MERTK: variants seen among roughly 807,000 people sequenced by gnomAD.
MERTK encodes tyrosine-protein kinase Mer.
MERTK carries 69 observed loss-of-function variants against 99.3 expected under a neutral mutation model. The ratio of observed to expected loss-of-function variants is 0.70; its 90% CI spans 0.57 to 0.85. The LOEUF is 0.85. Ranked by LOEUF, MERTK falls within the 40% of genes least tolerant of loss-of-function variation. The pLI is 0.00. For missense variants in MERTK, 1,125 were observed against 1,249.4 expected, an observed-to-expected ratio of 0.90 and a Z score of 1.50; for synonymous variants, 426 against 467.6, an observed-to-expected ratio of 0.91 and a Z score of 1.15.
At chr2:111,959,359 T>A (rs981455177) in intron 4 of MERTK, among the ~76,000 whole-genome samples, 1 of 152,110 alleles carries the variant, frequency 6.6e-6, no homozygotes, top group African/African-American at 2.4e-5. Flanking sequence ...TTTCATCTCT[T>A]CCTTGCATTA....
intron 18 of MERTK, among the ~76,000 whole-genome samples, chr2:112,027,314 A>G (rs1452122799): frequency 6.6e-6 from 1 of 151,334 alleles, no homozygotes; most frequent in Non-Finnish European, 1.5e-5. Context: ...GTGTGTGTAT[A>G]TATATACACA....
At position 111,994,382 on chromosome 2, in the gene MERTK, G is replaced by A. The variant is rs779952826; in HGVS notation, c.1428G>A (p.Val476=). The change falls in exon 9 of 19, where the codon GTG becomes GTA. Residue 476 remains valine (V), a synonymous_variant. Transcript: ENST00000295408. The part of the protein sequence containing the change: ...RGGVGPFSDP[V]KIFIPAHGWV... The stretch of plus-strand genomic sequence containing the variant: ...GAGTTGGGCCCTTCAGTGATCCAGT[G>A]AAAATATTTATCCCTGCACACGGTG... The A allele has an allele frequency of 5.6e-6, 9 of 1,614,054 alleles. No homozygotes were observed. The African/African-American group carries it at 9.3e-5, about 17-fold the overall frequency.
intron 10 of MERTK, among the ~76,000 whole-genome samples, chr2:111,998,793 T>C (rs933791465): frequency 3.3e-5 from 5 of 152,162 alleles, no homozygotes; most frequent in Middle Eastern, 3.2e-3. Context: ...CTATTTCAAA[T>C]ATTTAGAAAT....
chr2:111,985,739 T>C (rs1676466832), intron 8 of MERTK, among the ~76,000 whole-genome samples: 2 of 152,028 alleles, frequency 1.3e-5, no homozygotes. Context: ...AGACTCACTG[T>C]CAAGAGAACA....
chr2:111,910,417 C>T (rs1684220687), intron 1 of MERTK, among the ~76,000 whole-genome samples: 1 of 151,920 alleles, frequency 6.6e-6, no homozygotes, highest in African/African-American at 2.4e-5. Flanking sequence ...TTACAGGCGC[C>T]TGCCACCACG....
intron 15 of MERTK, chr2:112,010,389 C>T (rs979148469): frequency 3.9e-5 from 12 of 308,328 alleles, no homozygotes. Flanking sequence ...CCAGAGCTTG[C>T]AGACTATGGG....
chr2:111,958,138 T>C (rs1180956472), intron 4 of MERTK, among the ~76,000 whole-genome samples: 1 of 151,774 alleles, frequency 6.6e-6, no homozygotes, highest in Non-Finnish European at 1.5e-5. Flanking sequence ...AGAAGAGGAG[T>C]TGGCTCAGGA....
chr2:111,946,838 A>G (rs1375734284), intron 3 of MERTK, among the ~76,000 whole-genome samples: 2 of 152,198 alleles, frequency 1.3e-5, no homozygotes, highest in African/African-American at 4.8e-5. Flanking sequence ...CTGAGTCACT[A>G]TTTATAGCCC....
rs561830362 is a variant in MERTK at position 112,010,592 on chromosome 2, A to G, written c.2079+526A>G. 5.9e-5 allele frequency among the ~76,000 whole-genome samples: 9 copies of G among 152,320 alleles called. No homozygotes were observed. The East Asian group carries it at 1.5e-3, about 26-fold the overall frequency. On this transcript the variant is annotated intron_variant, in intron 15 of 18. Coordinates refer to ENST00000295408, the MANE Select transcript of MERTK (RefSeq NM_006343.3). ...CCCTGGGAATGTTGGATGTAGCTGT[A>G]GAGGCAGTTACGGATCATCTAGGAA...
chr2:112,010,649 C>T (rs932971870), intron 15 of MERTK, among the ~76,000 whole-genome samples: 1 of 152,130 alleles, frequency 6.6e-6, no homozygotes, highest in African/African-American at 2.4e-5. Context: ...TGCCTTTCTT[C>T]AGGGTCAATT....
chr2:111,944,733 C>T (rs566214926), intron 2 of MERTK, among the ~76,000 whole-genome samples: 1 of 152,284 alleles, frequency 6.6e-6, no homozygotes, highest in South Asian at 2.1e-4. Context: ...GAGTAATGTG[C>T]TTTACTCAAA....
At chr2:112,019,582 G>A (rs1299590877) in intron 16 of MERTK, 60 bp downstream of exon 16, 3 of 1,250,602 alleles carry the variant, frequency 2.4e-6, no homozygotes, top group Non-Finnish European at 3.5e-6. Flanking sequence ...TCTTTGCAGG[G>A]TTAGTGAGAG....
intron 8 of MERTK, among the ~76,000 whole-genome samples, chr2:111,990,176 C>A (rs1676585685): frequency 1.3e-5 from 2 of 152,194 alleles, no homozygotes; most frequent in South Asian, 4.1e-4. Flanking sequence ...CCGTTCTTTA[C>A]ATACTTGGCA....
intron 8 of MERTK, among the ~76,000 whole-genome samples, chr2:111,992,022 T>A (rs1676631116): frequency 6.6e-6 from 1 of 152,040 alleles, no homozygotes; most frequent in Non-Finnish European, 1.5e-5. Context: ...CTCCTCTGTC[T>A]CCCCAAGGCA....
chr2:112,018,325 T>C (rs1677261097), intron 15 of MERTK, among the ~76,000 whole-genome samples: 1 of 152,232 alleles, frequency 6.6e-6, no homozygotes, highest in African/African-American at 2.4e-5. Context: ...TCTTCATGAA[T>C]GACAGCAAGA....
chr2:111,984,756 T>C (rs977108687), intron 8 of MERTK, among the ~76,000 whole-genome samples: 1 of 152,208 alleles, frequency 6.6e-6, no homozygotes. Context: ...ATAAGTAACC[T>C]TCTAACCTGC....
intron 2 of MERTK, among the ~76,000 whole-genome samples, 200 bp from the exon 3 acceptor site, chr2:111,944,760 G>C (rs1424825795): frequency 6.6e-6 from 1 of 152,178 alleles, no homozygotes; most frequent in African/African-American, 2.4e-5. Flanking sequence ...TGCTTTAAAT[G>C]CTAGTGACAT....
rs540436734 is a variant in MERTK, at chr2:111,999,887, A to C, written c.1605-1314A>C. The stretch of plus-strand genomic sequence containing the variant: ...TTATCCAATATCCAATATCCACTGG[A>C]GGACCAATTTTTTGTAAGCAGGGGG... On this transcript the variant is annotated intron_variant, in intron 10 of 18. Transcript: ENST00000295408. 3.9e-5 allele frequency among the ~76,000 whole-genome samples: 6 copies of C among 152,312 alleles called. No individual in the cohort carries two copies. The South Asian group carries it at 1.2e-3, about 32-fold the overall frequency.
chr2:111,945,054 G>T lies in MERTK; in HGVS notation c.577G>T (p.Val193Leu). The change falls in exon 3 of 19, where the codon GTA becomes TTA. Residue 193 changes from valine to leucine, a missense_variant. Physicochemically the swap from Val to Leu is conservative, Grantham distance 32. Transcript: ENST00000295408. ...CGTGTCTGATCCCATCTACATCGAA[G>T]TACAAGGTAAGTCCACAGACCAGAG... ...EIVSDPIYIE[V>L]QGLPHFTKQP... 1 of 1,612,246 alleles carries T rather than the reference G, an allele frequency of 6.2e-7. No homozygotes were observed. Among genetic ancestry groups the T allele is most frequent in the Non-Finnish European group, 8.5e-7 (1 of 1,178,536 alleles).
Sources: gnomAD v4.1 joint callset for allele counts (sites outside exome capture counted in the v4.1 genomes callset) on GRCh38, gnomAD v4.1.1 for gene constraint, MANE v1.5 for transcripts, NCBI Gene and HGNC (gene_info 2026-07-23, HGNC 2026-07-21) for gene names.